Variants in ZBTB20 observed in about 807,000 individuals in gnomAD.
ZBTB20 encodes the protein zinc finger and BTB domain containing 20.
Under a neutral mutation model 56.9 loss-of-function variants are expected in ZBTB20, and 9 were observed. The ratio of observed to expected loss-of-function variants is 0.16; its 90% CI spans 0.10 to 0.28. The LOEUF (loss-of-function observed/expected upper bound fraction) is 0.28. ZBTB20 is among the 10% of genes least tolerant of loss of function. ZBTB20 has a pLI of 1.00. For missense variants in ZBTB20, 655 were observed against 1,003.0 expected, an observed-to-expected ratio of 0.65 and a Z score of 4.69; for synonymous variants, 417 against 420.7, an observed-to-expected ratio of 0.99 and a Z score of 0.11.
chr3:114,706,919 G>GA (rs1323978002), intron 5 of ZBTB20, among the ~76,000 whole-genome samples: 1 of 151,920 alleles, frequency 6.6e-6, no homozygotes, highest in East Asian at 1.9e-4. Flanking sequence ...AGTAAGAGGG[G>GA]AAAAAAAGGG....
chr3:114,524,995 T>G (rs1485445980), intron 6 of ZBTB20, among the ~76,000 whole-genome samples: 1 of 152,208 alleles, frequency 6.6e-6, no homozygotes, highest in Non-Finnish European at 1.5e-5. Context: ...ATTACAGGCA[T>G]GAGCCACTGT....
intron 7 of ZBTB20, among the ~76,000 whole-genome samples, chr3:114,497,434 C>T (rs1481566234): frequency 6.6e-6 from 1 of 152,206 alleles, no homozygotes; most frequent in Non-Finnish European, 1.5e-5. Context: ...TTCAATCACA[C>T]TGAACTATTC....
At chr3:115,081,051 A>G (rs1276508575) in intron 1 of ZBTB20, among the ~76,000 whole-genome samples, 1 of 152,170 alleles carries the variant, frequency 6.6e-6, no homozygotes, top group Non-Finnish European at 1.5e-5. Flanking sequence ...TAGAAGAAAC[A>G]TTGATGAATT....
chr3:114,473,143 G>A (rs1261862150), intron 7 of ZBTB20, among the ~76,000 whole-genome samples: 1 of 152,162 alleles, frequency 6.6e-6, no homozygotes, highest in Non-Finnish European at 1.5e-5. Context: ...ACAGTCCCCA[G>A]GTATGGCTGG....
intron 4 of ZBTB20, among the ~76,000 whole-genome samples, chr3:114,812,737 T>C (rs143022113): frequency 0.012 from 1,754 of 152,214 alleles, 16 homozygotes; most frequent in South Asian, 0.042. Flanking sequence ...CTGGGCGCCG[T>C]GGAGCAGAGG....
intron 10 of ZBTB20, among the ~76,000 whole-genome samples, chr3:114,371,909 A>C (rs986568595): frequency 1.3e-5 from 2 of 151,892 alleles, no homozygotes; most frequent in Admixed American, 6.5e-5. Flanking sequence ...AGGCAGAAGA[A>C]AAGCAAAAAA....
chr3:115,035,544 A>AACACACAC (rs111286494), intron 2 of ZBTB20, among the ~76,000 whole-genome samples: 8,954 of 147,874 alleles, frequency 0.061, 753 homozygotes, highest in African/African-American at 0.19. Context: ...GCTACTATCA[A>AACACACAC]ACACACACAC....
chr3:114,774,650 C>T (rs752577429), intron 5 of ZBTB20, among the ~76,000 whole-genome samples: 18 of 152,214 alleles, frequency 1.2e-4, no homozygotes, highest in Admixed American at 3.9e-4. Flanking sequence ...TAACAAATCT[C>T]GCCAACTCTC....
At chr3:114,656,744 T>C (rs1023024415) in intron 6 of ZBTB20, among the ~76,000 whole-genome samples, 1 of 152,262 alleles carries the variant, frequency 6.6e-6, no homozygotes. Context: ...TATGACTATA[T>C]ATATACATAT....
chr3:114,473,376 A>G (rs564173565), intron 7 of ZBTB20, among the ~76,000 whole-genome samples: 2 of 152,348 alleles, frequency 1.3e-5, no homozygotes, highest in Admixed American at 6.5e-5. Flanking sequence ...GTAAGTTTGC[A>G]TTTTTGATAT....
intron 4 of ZBTB20, among the ~76,000 whole-genome samples, chr3:114,895,421 C>T (rs536554619): frequency 3.0e-4 from 46 of 152,264 alleles, no homozygotes; most frequent in Admixed American, 5.9e-4. Flanking sequence ...TGTGTCAACA[C>T]GCTTTCTATT....
intron 6 of ZBTB20, among the ~76,000 whole-genome samples, chr3:114,655,726 TGTGA>T (rs1242600631): frequency 6.6e-6 from 1 of 152,198 alleles, no homozygotes; most frequent in African/African-American, 2.4e-5. Flanking sequence ...TTTATGCAAA[TGTGA>T]GTATCTTATA....
rs1028205143 is a variant in ZBTB20 at position 114,316,050 on chromosome 3, A to C, written c.*22955T>G. The C allele has an allele frequency of 5.2e-6, 1 of 192,338 alleles. No homozygotes were observed. Among genetic ancestry groups the C allele is most frequent in the African/African-American group, 2.4e-5 (1 of 41,474 alleles). The allele number at this position is 192,338 out of a possible 1,614,324, so 11.9% of individuals were successfully genotyped here. On this transcript the variant is annotated 3_prime_UTR_variant, in exon 12 of 12. Transcript: ENST00000675478. ...GTTCTGAGTCAGGCCAAAGGTTTTG[A>C]GGTTTCTGACATCTTTCACTGAAAA...
At chr3:114,457,498 G>C (rs2092091473) in intron 7 of ZBTB20, among the ~76,000 whole-genome samples, 1 of 152,170 alleles carries the variant, frequency 6.6e-6, no homozygotes, top group South Asian at 2.1e-4. Flanking sequence ...AGGATTGGCA[G>C]TAGAGATTAT....
chr3:114,752,373 C>G (rs1443827687), intron 5 of ZBTB20, among the ~76,000 whole-genome samples: 1 of 152,108 alleles, frequency 6.6e-6, no homozygotes, highest in African/African-American at 2.4e-5. Flanking sequence ...TAAGCCAAAT[C>G]TGAAGACAGC....
chr3:114,882,522 C>A (rs2076436263), intron 4 of ZBTB20, among the ~76,000 whole-genome samples: 1 of 151,900 alleles, frequency 6.6e-6, no homozygotes, highest in South Asian at 2.1e-4. Flanking sequence ...CTGTAAATAA[C>A]CAAATTTCCA....
chr3:115,086,039 A>G (rs1174532886), intron 1 of ZBTB20, among the ~76,000 whole-genome samples: 1 of 151,938 alleles, frequency 6.6e-6, no homozygotes, highest in Non-Finnish European at 1.5e-5. Flanking sequence ...TTTCTTCAGC[A>G]GTAATTTCTT....
intron 2 of ZBTB20, among the ~76,000 whole-genome samples, chr3:115,019,031 T>C (rs994323851): frequency 6.6e-6 from 1 of 151,296 alleles, no homozygotes; most frequent in African/African-American, 2.4e-5. Flanking sequence ...GATTGTGTGA[T>C]TTTTTTGTCC....
chr3:114,464,568 C>G (rs1376495738), intron 7 of ZBTB20, among the ~76,000 whole-genome samples: 2 of 152,078 alleles, frequency 1.3e-5, no homozygotes, highest in Admixed American at 6.6e-5. Context: ...TAGATTAATG[C>G]AAAGAAAAGA....
Sources: allele counts gnomAD v4.1 joint callset (sites outside exome capture counted in the v4.1 genomes callset), GRCh38; gene constraint gnomAD v4.1.1; transcripts MANE v1.5; gene names NCBI Gene and HGNC (gene_info 2026-07-23, HGNC 2026-07-21).